Variants in SLC8A1 observed in about 807,000 individuals in gnomAD.
SLC8A1 encodes sodium/calcium exchanger 1.
SLC8A1 carries 18 observed loss-of-function variants against 68.3 expected under a neutral mutation model. The observed-to-expected ratio is 0.26, with a 90% CI of 0.18 to 0.39. SLC8A1 has a LOEUF of 0.39. Ranked by LOEUF, SLC8A1 falls within the 10% of genes least tolerant of loss-of-function variation. SLC8A1 has a pLI of 1.00. For missense variants in SLC8A1, 985 were observed against 1,156.7 expected (o/e 0.85, Z 2.15); for synonymous variants, 475 against 415.5 (o/e 1.14, Z -1.74).
At chr2:40,385,276 G>C (rs558477860) in intron 2 of SLC8A1, among the ~76,000 whole-genome samples, 1 of 151,774 alleles carries the variant, frequency 6.6e-6, no homozygotes, top group South Asian at 2.1e-4. Flanking sequence ...GTTTTATAAG[G>C]AACAGTTTTT....
chr2:40,127,899 A>C (rs1399585231), intron 7 of SLC8A1, among the ~76,000 whole-genome samples: 1 of 152,230 alleles, frequency 6.6e-6, no homozygotes, highest in Non-Finnish European at 1.5e-5. Flanking sequence ...CAAAGGTTAT[A>C]AAATACGGGC....
intron 2 of SLC8A1, among the ~76,000 whole-genome samples, chr2:40,231,057 C>T (rs1033960974): frequency 2.0e-5 from 3 of 152,172 alleles, no homozygotes; most frequent in African/African-American, 7.2e-5. Flanking sequence ...TTGCTTGATT[C>T]TCTGAACGGG....
At chr2:40,300,164 T>A (rs1366640206) in intron 2 of SLC8A1, among the ~76,000 whole-genome samples, 1 of 152,034 alleles carries the variant, frequency 6.6e-6, no homozygotes, top group Non-Finnish European at 1.5e-5. Context: ...GTGACAAAAA[T>A]AAAAATAAAA....
intron 6 of SLC8A1, among the ~76,000 whole-genome samples, chr2:40,149,475 C>G (rs1237572756): frequency 6.6e-6 from 1 of 152,106 alleles, no homozygotes; most frequent in East Asian, 1.9e-4. Flanking sequence ...GACATGTGAG[C>G]TAAGACTTTA....
chr2:40,143,134 T>C (rs898502454), intron 6 of SLC8A1, among the ~76,000 whole-genome samples: 1 of 152,152 alleles, frequency 6.6e-6, no homozygotes, highest in Admixed American at 6.6e-5. Flanking sequence ...CACTGCTCTT[T>C]ATAAATTTTA....
intron 2 of SLC8A1, among the ~76,000 whole-genome samples, chr2:40,351,659 A>G (rs1311209245): frequency 6.6e-6 from 1 of 152,190 alleles, no homozygotes; most frequent in African/African-American, 2.4e-5. Context: ...ACTCACAAAC[A>G]ACTTTTGGCA....
chr2:40,269,421 GA>G (rs546144111), intron 2 of SLC8A1, among the ~76,000 whole-genome samples: 1 of 152,134 alleles, frequency 6.6e-6, no homozygotes, highest in South Asian at 2.1e-4. Context: ...CTTTGACTTA[GA>G]AAAAAATTAA....
chr2:40,174,863 A>T (rs2048191521), intron 3 of SLC8A1, 21 bp from the exon 5 acceptor site: 1 of 1,604,414 alleles, frequency 6.2e-7, no homozygotes, highest in Non-Finnish European at 8.5e-7. Flanking sequence ...AAAAAACAAC[A>T]ACAAATGTTA....
At chr2:40,374,859 G>C (rs975194415) in intron 2 of SLC8A1, among the ~76,000 whole-genome samples, 1 of 152,000 alleles carries the variant, frequency 6.6e-6, no homozygotes, top group African/African-American at 2.4e-5. Flanking sequence ...TTTAAGAATT[G>C]AGACACTGAA....
chr2:40,428,257 C>A (rs1298739568), intron 2 of SLC8A1, among the ~76,000 whole-genome samples: 1 of 152,030 alleles, frequency 6.6e-6, no homozygotes, highest in East Asian at 1.9e-4. Context: ...AAATAAAATT[C>A]TGATGTAAAT....
chr2:40,197,987 C>A (rs778014963), intron 2 of SLC8A1, among the ~76,000 whole-genome samples: 5 of 151,786 alleles, frequency 3.3e-5, no homozygotes, highest in Non-Finnish European at 1.5e-5. Flanking sequence ...CTCCCTATAG[C>A]GACAAAGTGA....
chr2:40,202,971 A>C (rs2054680421), intron 2 of SLC8A1, among the ~76,000 whole-genome samples: 3 of 151,998 alleles, frequency 2.0e-5, no homozygotes, highest in Admixed American at 2.0e-4. Context: ...GTGATAAGCC[A>C]CAAGAAATGA....
intron 4 of SLC8A1, among the ~76,000 whole-genome samples, chr2:40,170,798 GT>G (rs2047343821): frequency 6.6e-6 from 1 of 152,192 alleles, no homozygotes; most frequent in Admixed American, 6.5e-5. Context: ...TAGAAATAGT[GT>G]ACTAGTGATT....
chr2:40,429,888 A>C, exon 2 of SLC8A1: 1 of 1,613,446 alleles, frequency 6.2e-7, no homozygotes, highest in Non-Finnish European at 8.5e-7. Context: ...AAACTGTTTC[A>C]TTCCAGATCC....
intron 2 of SLC8A1, among the ~76,000 whole-genome samples, chr2:40,382,050 T>G (rs1169960423): frequency 1.3e-5 from 2 of 152,114 alleles, no homozygotes; most frequent in Non-Finnish European, 2.9e-5. Flanking sequence ...CAGTGATTGA[T>G]TTTCTGTGCA....
intron 2 of SLC8A1, among the ~76,000 whole-genome samples, chr2:40,357,728 T>C (rs1559372678): frequency 6.6e-6 from 1 of 152,060 alleles, no homozygotes; most frequent in Non-Finnish European, 1.5e-5. Flanking sequence ...ATAACCAGCA[T>C]ATAGAATGCT....
chr2:40,506,643 A>C (rs1706388443), intron 1 of SLC8A1, among the ~76,000 whole-genome samples: 1 of 151,762 alleles, frequency 6.6e-6, no homozygotes, highest in South Asian at 2.1e-4. Context: ...CAGGGTCTAT[A>C]GATTTATGGG....
At chr2:40,215,308 G>A (rs2057288587) in intron 2 of SLC8A1, among the ~76,000 whole-genome samples, 1 of 151,992 alleles carries the variant, frequency 6.6e-6, no homozygotes, top group East Asian at 1.9e-4. Flanking sequence ...CGGGTCTAAA[G>A]GTACACACTG....
At chr2:40,254,407 T>TG (rs2063534018) in intron 2 of SLC8A1, 1 of 151,220 alleles carries the variant, frequency 6.6e-6, no homozygotes, top group Non-Finnish European at 1.5e-5. Flanking sequence ...CTTTTTTGTT[T>TG]TTTTTTTTTC....
Sources: allele counts gnomAD v4.1 joint callset (sites outside exome capture counted in the v4.1 genomes callset), GRCh38; gene constraint gnomAD v4.1.1; transcripts MANE v1.5; gene names NCBI Gene and HGNC (gene_info 2026-07-23, HGNC 2026-07-21).